The following SPRED2 variants were observed in gnomAD, a reference collection of about 807,000 sequenced individuals.
The protein encoded by SPRED2 is sprouty-related, EVH1 domain-containing protein 2.
Under a neutral mutation model 43.0 loss-of-function variants are expected in SPRED2, and 47 were observed. The observed-to-expected ratio is 1.09, with a 90% CI of 0.87 to 1.40. SPRED2 has a LOEUF of 1.40. Ranked by LOEUF, SPRED2 falls within the 40% of genes most tolerant of loss-of-function variation. The pLI, the probability that SPRED2 is intolerant of heterozygous loss-of-function variation, is 0.00. For missense variants in SPRED2, 561 were observed against 586.4 expected (o/e 0.96, Z 0.45); for synonymous variants, 225 against 225.7 (o/e 1.00, Z 0.03).
At chr2:65,334,577 A>T in intron 3 of SPRED2, 28 bp downstream of exon 3, 1 of 1,609,522 alleles carries the variant, frequency 6.2e-7, no homozygotes, top group Non-Finnish European at 8.5e-7. Context: ...CCATAGTCCC[A>T]CTAAGAATGC....
At chr2:65,389,596 G>C (rs978313189) in intron 1 of SPRED2, among the ~76,000 whole-genome samples, 8 of 152,194 alleles carry the variant, frequency 5.3e-5, no homozygotes, top group Non-Finnish European at 1.2e-4. Context: ...TAGCTAAAAA[G>C]AAATGTAGAT....
At chr2:65,335,748 T>C (rs1673948743) in intron 2 of SPRED2, among the ~76,000 whole-genome samples, 1 of 152,082 alleles carries the variant, frequency 6.6e-6, no homozygotes, top group Non-Finnish European at 1.5e-5. Context: ...GCACAGTTGA[T>C]AGAGATACTA....
intron 1 of SPRED2, among the ~76,000 whole-genome samples, chr2:65,370,003 A>G (rs1461094259): frequency 6.6e-6 from 1 of 152,238 alleles, no homozygotes; most frequent in Non-Finnish European, 1.5e-5. Flanking sequence ...CTATATATGT[A>G]TATAACTTAA....
rs13395497 is a variant in SPRED2 at position 65,351,326 on chromosome 2, C to T, written c.27-6430G>A. Among the ~76,000 whole-genome samples, 443 of 152,324 alleles carry T rather than the reference C, an allele frequency of 2.9e-3. 2 individuals are homozygous for T. Among genetic ancestry groups the T allele is most frequent in the African/African-American group, 0.01 (424 of 41,574 alleles). ...GCCATCTGTGAACTGGCCCTCTGCTCCTGCCCCTCCCCATTTCTTTCAGGG... is the reference window on the plus strand; with the variant it reads ...GCCATCTGTGAACTGGCCCTCTGCTTCTGCCCCTCCCCATTTCTTTCAGGG... On this transcript the variant is annotated intron_variant, in intron 1 of 5. Transcript: ENST00000356388.
chr2:65,316,681 C>T, intron 5 of SPRED2, 53 bp downstream of exon 5: 1 of 1,562,382 alleles, frequency 6.4e-7, no homozygotes. Context: ...GAGGCCATTC[C>T]AGAATCAGAG....
chr2:65,424,966 C>T (rs1304197637), intron 1 of SPRED2, among the ~76,000 whole-genome samples: 1 of 152,142 alleles, frequency 6.6e-6, no homozygotes, highest in African/African-American at 2.4e-5. Context: ...GACAGATGGG[C>T]CAAGCTTCTC....
intron 1 of SPRED2, among the ~76,000 whole-genome samples, chr2:65,358,433 AC>A (rs1444891213): frequency 6.6e-6 from 1 of 152,202 alleles, no homozygotes; most frequent in Non-Finnish European, 1.5e-5. Flanking sequence ...AGAGAGATCT[AC>A]CCTTTTTCTC....
intron 1 of SPRED2, among the ~76,000 whole-genome samples, chr2:65,360,635 G>C (rs911861342): frequency 6.6e-6 from 1 of 152,188 alleles, no homozygotes; most frequent in Non-Finnish European, 1.5e-5. Context: ...CAAAGTCCTA[G>C]AAACAAAAAG....
chr2:65,332,039 G>T lies in SPRED2; in HGVS notation c.386C>A (p.Ser129Ter). 1 of 1,607,666 alleles carries T rather than the reference G, an allele frequency of 6.2e-7. No individual in the cohort carries two copies. Among genetic ancestry groups the T allele is most frequent in the South Asian group, 1.1e-5 (1 of 89,650 alleles). The change falls in exon 4 of 6, where the codon TCA (serine) becomes TAA (stop). Residue 129 changes from serine to a stop codon, truncating the protein, a stop_gained. Coordinates refer to ENST00000356388, the MANE Select transcript of SPRED2 (RefSeq NM_181784.3). LOFTEE classifies it high-confidence loss of function. ...AGCTTCATTATGGATGGTGGAAGATGACGTTGTTGAACCTAAAAAGACAAA... is the reference window on the plus strand; with the variant it reads ...AGCTTCATTATGGATGGTGGAAGATTACGTTGTTGAACCTAAAAAGACAAA... ...IEDLIEGSTT[S>*]SSTIHNEAEL...
In SPRED2 at chr2:65,327,933, A is replaced by G. The variant is rs199743777; in HGVS notation, c.438+4054T>C. Among the ~76,000 whole-genome samples, 20 of 150,942 alleles carry G rather than the reference A, an allele frequency of 1.3e-4. No homozygotes were observed. In the East Asian group the frequency reaches 2.7e-3, roughly 21 times the overall value. ...GAGATGGGGTTTCACCATGTTGGCC[A>G]GGCTGGTCTTGAATTGCTGACCTCG... On this transcript the variant is annotated intron_variant, in intron 4 of 5. Coordinates refer to ENST00000356388, the MANE Select transcript of SPRED2 (RefSeq NM_181784.3).
chr2:65,377,016 A>T (rs1373176493), intron 1 of SPRED2, among the ~76,000 whole-genome samples: 1 of 152,164 alleles, frequency 6.6e-6, no homozygotes, highest in African/African-American at 2.4e-5. Flanking sequence ...GCCTGGCCAC[A>T]ATCTTTCCAT....
intron 3 of SPRED2, chr2:65,332,371 C>T (rs551326221): frequency 5.7e-4 from 130 of 227,968 alleles, no homozygotes; most frequent in African/African-American, 2.9e-3. Context: ...CTCTGAGGGA[C>T]ATGCATCGAG....
intron 1 of SPRED2, among the ~76,000 whole-genome samples, chr2:65,375,440 C>T (rs1675218256): frequency 7.9e-6 from 1 of 126,914 alleles, no homozygotes; most frequent in Admixed American, 7.0e-5. Flanking sequence ...CACTCATCCT[C>T]ATAATAGTAC....
In SPRED2 at chr2:65,313,867, C is replaced by T. The variant is rs766286806; in HGVS notation, c.891G>A (p.Ser297=). The T allele has an allele frequency of 3.7e-6, 6 of 1,610,712 alleles. No homozygotes were observed. In the Admixed American group the frequency reaches 8.3e-5, roughly 22 times the overall value. ...VIKTQPSRGK[S]RRRKEDGERS... ...GCTCTCCGTCCTCCTTCCGCCGCCG[C>T]GACTTGCCCCGGGAGGGCTGCGTCT... Residue 297 remains serine, a synonymous_variant, in exon 6 of 6, where the codon TCG becomes TCA. Coordinates refer to ENST00000356388, the MANE Select transcript of SPRED2 (RefSeq NM_181784.3).
intron 4 of SPRED2, among the ~76,000 whole-genome samples, chr2:65,324,393 G>A (rs1263091488): frequency 6.6e-6 from 1 of 152,126 alleles, no homozygotes; most frequent in African/African-American, 2.4e-5. Context: ...AAACTGCCTG[G>A]GCTAATGGAC....
rs751186486 is a variant in SPRED2 at position 65,313,900 on chromosome 2, G to A, written c.858C>T (p.Ser286=). ...LGEDPKGRGG[S]VIKTQPSRGK... ...CCCGGGAGGGCTGCGTCTTGATCAC[G>A]CTGCCCCCGCGGCCTTTGGGGTCCT... Residue 286 remains serine (S), a synonymous_variant, in exon 6 of 6, where the codon AGC becomes AGT. Transcript: ENST00000356388. 22 of 1,609,994 alleles carry A rather than the reference G, an allele frequency of 1.4e-5. No homozygotes were observed. The highest frequency in any genetic ancestry group is 1.7e-5 in the Non-Finnish European group (20 of 1,179,878).
At chr2:65,415,811 CAT>C (rs1676259729) in intron 1 of SPRED2, among the ~76,000 whole-genome samples, 1 of 152,080 alleles carries the variant, frequency 6.6e-6, no homozygotes. Flanking sequence ...ATTTGCTTCA[CAT>C]GTAACATCCA....
intron 1 of SPRED2, among the ~76,000 whole-genome samples, chr2:65,375,312 T>A (rs149959196): frequency 2.6e-4 from 39 of 152,374 alleles, no homozygotes; most frequent in Non-Finnish European, 4.9e-4. Context: ...AAGGCTTGTA[T>A]GCCGGTCTCA....
intron 1 of SPRED2, 112 bp from the exon 2 acceptor site, chr2:65,345,008 G>A (rs1260940812): frequency 1.0e-5 from 11 of 1,068,226 alleles, no homozygotes; most frequent in Non-Finnish European, 1.4e-5. Flanking sequence ...TTTATCGAAA[G>A]AAATCTATGC....
Sources: allele counts gnomAD v4.1 joint callset (sites outside exome capture counted in the v4.1 genomes callset), GRCh38; gene constraint gnomAD v4.1.1; transcripts MANE v1.5; gene names NCBI Gene and HGNC (gene_info 2026-07-23, HGNC 2026-07-21).